The following FAM78B variants were observed in gnomAD, a reference collection of about 807,000 sequenced individuals.
The protein encoded by FAM78B is protein FAM78B.
Under a neutral mutation model 20.0 loss-of-function variants are expected in FAM78B, and 10 were observed. The observed-to-expected ratio is 0.50, with a 90% CI of 0.31 to 0.85. The LOEUF (loss-of-function observed/expected upper bound fraction) is 0.85. FAM78B is among the 40% of genes least tolerant of loss of function. The pLI is 0.05. For synonymous variants in FAM78B, 135 were observed against 132.8 expected, an observed-to-expected ratio of 1.02 and a Z score of -0.12; for missense variants, 283 against 345.0, an observed-to-expected ratio of 0.82 and a Z score of 1.42.
intron 1 of FAM78B, among the ~76,000 whole-genome samples, chr1:166,144,210 T>G (rs1203292949): frequency 6.7e-6 from 1 of 149,882 alleles, no homozygotes; most frequent in Admixed American, 6.6e-5. Context: ...GTCAGTCTGT[T>G]GTGTGTGTGT....
chr1:166,128,663 G>A (rs541372618), intron 1 of FAM78B, among the ~76,000 whole-genome samples: 1 of 152,326 alleles, frequency 6.6e-6, no homozygotes, highest in South Asian at 2.1e-4. Flanking sequence ...AGCCAAGGGA[G>A]GTTTGGTCTT....
intron 1 of FAM78B, among the ~76,000 whole-genome samples, chr1:166,096,633 G>T (rs1653285642): frequency 6.6e-6 from 1 of 152,180 alleles, no homozygotes; most frequent in South Asian, 2.1e-4. Flanking sequence ...TAGAACGAGA[G>T]TATCTCCAAC....
chr1:166,113,381 G>A (rs994425193), intron 1 of FAM78B, among the ~76,000 whole-genome samples: 3 of 152,226 alleles, frequency 2.0e-5, no homozygotes, highest in Non-Finnish European at 4.4e-5. Context: ...TTCCTCATCT[G>A]TTAAACAGGG....
chr1:166,109,892 A>ATATATGTG (rs1553219498), intron 1 of FAM78B, among the ~76,000 whole-genome samples: 1 of 41,908 alleles, frequency 2.4e-5, no homozygotes. Context: ...GTATATATGT[A>ATATATGTG]TATATATATA....
rs1397051064 is a variant in FAM78B at position 166,109,894 on chromosome 1, A to ATATGTG, written c.264-39132_264-39131insCACATA. Among the ~76,000 whole-genome samples, 25 of 57,750 alleles carry ATATGTG rather than the reference A, an allele frequency of 4.3e-4. 1 individual carries two copies. The highest frequency in any genetic ancestry group is 1.7e-3 in the African/African-American group (20 of 11,978). The allele number at this position is 57,750 out of a possible 152,430, so 37.9% of individuals were successfully genotyped here. ...TATATATATATATGTATATATGTAT[A>ATATGTG]TATATATATATATATATATATATAT... On this transcript the variant is annotated intron_variant, in intron 1 of 1. Coordinates refer to ENST00000354422, the MANE Select transcript of FAM78B (RefSeq NM_001017961.5).
chr1:166,064,759 T>C (rs1290051615), downstream of FAM78B, among the ~76,000 whole-genome samples: 9 of 152,234 alleles, frequency 5.9e-5, no homozygotes, highest in Admixed American at 5.9e-4. Flanking sequence ...AGTCACAATA[T>C]CTTACATGAG....
chr1:166,129,589 G>A (rs530512664), intron 1 of FAM78B, among the ~76,000 whole-genome samples: 103 of 152,240 alleles, frequency 6.8e-4, no homozygotes, highest in Non-Finnish European at 1.2e-3. Context: ...TCCAGTGCTC[G>A]AACTTCCTGA....
At chr1:166,056,474 T>A (rs1651348895), downstream of FAM78B, among the ~76,000 whole-genome samples, 2 of 152,120 alleles carry the variant, frequency 1.3e-5, no homozygotes, top group South Asian at 4.1e-4. Context: ...TCCATAGTTT[T>A]CAGAATCCAA....
At chr1:166,129,299 A>G (rs890116963) in intron 1 of FAM78B, among the ~76,000 whole-genome samples, 1 of 152,264 alleles carries the variant, frequency 6.6e-6, no homozygotes. Flanking sequence ...AGTTAAATCC[A>G]AAGTCTGATT....
intron 1 of FAM78B, among the ~76,000 whole-genome samples, chr1:166,112,564 A>T (rs1185354713): frequency 6.6e-6 from 1 of 152,194 alleles, no homozygotes; most frequent in Non-Finnish European, 1.5e-5. Context: ...TGATGACAAA[A>T]GGAGTACACA....
chr1:166,109,026 C>CTAAA (rs1653895541), intron 1 of FAM78B, among the ~76,000 whole-genome samples: 1 of 152,048 alleles, frequency 6.6e-6, no homozygotes, highest in South Asian at 2.1e-4. Context: ...AATTAAGGAC[C>CTAAA]TAAACCTAAG....
chr1:166,063,526 GC>G (rs1438966636), intron 2 of FAM78B, among the ~76,000 whole-genome samples: 1 of 152,124 alleles, frequency 6.6e-6, no homozygotes, highest in African/African-American at 2.4e-5. Flanking sequence ...TATGAGACCA[GC>G]CTGGACAATA....
intron 1 of FAM78B, among the ~76,000 whole-genome samples, chr1:166,164,370 T>C (rs952543877): frequency 6.6e-6 from 1 of 152,266 alleles, no homozygotes; most frequent in Non-Finnish European, 1.5e-5. Context: ...AATGGATTTA[T>C]TTTAAAAAGC....
At chr1:166,100,939 C>T (rs1194139862) in intron 1 of FAM78B, among the ~76,000 whole-genome samples, 1 of 152,186 alleles carries the variant, frequency 6.6e-6, no homozygotes, top group African/African-American at 2.4e-5. Flanking sequence ...TGGGAGGCAC[C>T]CCCAGTAGGG....
At chr1:166,112,524 G>A (rs1057397249) in intron 1 of FAM78B, among the ~76,000 whole-genome samples, 1 of 152,004 alleles carries the variant, frequency 6.6e-6, no homozygotes, top group African/African-American at 2.4e-5. Flanking sequence ...GGAAGGCCTT[G>A]AAAAAAAGAT....
chr1:166,109,868 G>GTATATATATATATATATATA (rs1167115543), intron 1 of FAM78B, among the ~76,000 whole-genome samples: 1 of 8,582 alleles, frequency 1.2e-4, no homozygotes, highest in Non-Finnish European at 3.1e-4. Flanking sequence ...ATATGTATGT[G>GTATATATATATATATATATA]TATATATATA....
At chr1:166,156,042 C>T (rs765694838) in intron 1 of FAM78B, among the ~76,000 whole-genome samples, 1 of 152,176 alleles carries the variant, frequency 6.6e-6, no homozygotes, top group South Asian at 2.1e-4. Flanking sequence ...GCCGATTTAC[C>T]GCTTCCCATT....
At chr1:166,128,349 T>C (rs1654718714) in intron 1 of FAM78B, among the ~76,000 whole-genome samples, 1 of 152,156 alleles carries the variant, frequency 6.6e-6, no homozygotes, top group Non-Finnish European at 1.5e-5. Context: ...AAAGAAGAGA[T>C]GCAAAGGGCC....
intron 1 of FAM78B, among the ~76,000 whole-genome samples, chr1:166,077,628 CATAT>C (rs1238644422): frequency 7.2e-6 from 1 of 138,064 alleles, no homozygotes; most frequent in African/African-American, 2.7e-5. Flanking sequence ...ATATATAATA[CATAT>C]AATTATATAT....
Sources: allele counts gnomAD v4.1 joint callset (sites outside exome capture counted in the v4.1 genomes callset), GRCh38; gene constraint gnomAD v4.1.1; transcripts MANE v1.5; gene names NCBI Gene and HGNC (gene_info 2026-07-23, HGNC 2026-07-21).